The following ACTN4 variants were observed in gnomAD, a reference collection of about 807,000 sequenced individuals.
The protein encoded by ACTN4 is alpha-actinin-4.
ACTN4 carries 18 observed loss-of-function variants against 114.2 expected under a neutral mutation model. The ratio of observed to expected loss-of-function variants is 0.16; its 90% CI spans 0.11 to 0.23. The LOEUF is 0.23. Ranked by LOEUF, ACTN4 falls within the 10% of genes least tolerant of loss-of-function variation. The pLI, the probability that ACTN4 is intolerant of heterozygous loss-of-function variation, is 1.00. For synonymous variants in ACTN4, 515 were observed against 506.3 expected (o/e 1.02, Z -0.23); for missense variants, 722 against 1,262.9 (o/e 0.57, Z 6.49).
Position 38,731,295 on chromosome 19 carries a change from T to A in ACTN4, c.*1863T>A. 3 of 1,188,408 alleles carry A rather than the reference T, an allele frequency of 2.5e-6. No homozygotes were observed. The highest frequency in any genetic ancestry group is 3.7e-6 in the Non-Finnish European group (3 of 801,408). 73.6% of individuals were successfully genotyped at this position (1,188,408 alleles called of 1,614,324 possible). A position where few individuals can be genotyped will look rare whatever the true frequency, so the allele number is the denominator to read the frequency against. ...CTTGGCATTGCATCCCCACCCCACC[T>A]CCTCAGGGAGGACATGAATGCCACA... On this transcript the variant is annotated 3_prime_UTR_variant, in exon 21 of 21. Transcript: ENST00000252699.
Position 38,727,238 on chromosome 19 carries a change from G to A in ACTN4, c.2337+135G>A, listed in dbSNP as rs2145104310. On this transcript the variant is annotated intron_variant, in intron 18 of 20. Transcript: ENST00000252699. The surrounding 1 kb of genome is among the most constrained non-coding windows in gnomAD (Gnocchi z 5.4). Reference sequence around the variant, plus strand: ...GGCCGCCACTCCCAGGGCCAGCAGGGCCCTGCCACTGTCAGGGTGTAGGTG... The same window carrying A: ...GGCCGCCACTCCCAGGGCCAGCAGGACCCTGCCACTGTCAGGGTGTAGGTG... 3 of 1,380,146 alleles carry A rather than the reference G, an allele frequency of 2.2e-6. No individual in the cohort carries two copies. Among genetic ancestry groups the A allele is most frequent in the South Asian group, 1.2e-5 (1 of 80,502 alleles). 85.5% of individuals were successfully genotyped at this position (1,380,146 alleles called of 1,614,324 possible). A position where few individuals can be genotyped will look rare whatever the true frequency, so the allele number is the denominator to read the frequency against.
chr19:38,653,827 T>C (rs1262917503), intron 1 of ACTN4, among the ~76,000 whole-genome samples: 1 of 152,254 alleles, frequency 6.6e-6, no homozygotes, highest in African/African-American at 2.4e-5. Flanking sequence ...GGTAATTCAA[T>C]GGCAGTGGTA....
At position 38,659,065 on chromosome 19, in the gene ACTN4, C is replaced by CTT. The variant is rs577141157; in HGVS notation, c.162+11170_162+11171dup. Among the ~76,000 whole-genome samples the CTT allele has an allele frequency of 5.4e-5, 6 of 111,692 alleles. 1 individual carries two copies. The highest frequency in any genetic ancestry group is 5.5e-5 in the Non-Finnish European group (3 of 54,932). The allele number at this position is 111,692 out of a possible 152,430, so 73.3% of individuals were successfully genotyped here. On this transcript the variant is annotated intron_variant, in intron 1 of 20. Transcript: ENST00000252699. ...TAACTTTTTTTTCTTCTTTTCTTTT[C>CTT]TTTTTTTTTTTTTGAGACGGAGTCT...
rs1445819147 is a variant in ACTN4 at position 38,654,243 on chromosome 19, C to T, written c.162+6336C>T. On this transcript the variant is annotated intron_variant, in intron 1 of 20. Transcript: ENST00000252699. Reference sequence around the variant, plus strand: ...TGAAGGGGAGAAATTAACCACCTGACCCAGGGAAGGATCCCGCCTCCTCCA... The same window carrying T: ...TGAAGGGGAGAAATTAACCACCTGATCCAGGGAAGGATCCCGCCTCCTCCA... Among the ~76,000 whole-genome samples, 3 of 152,174 alleles carry T rather than the reference C, an allele frequency of 2.0e-5. No individual in the cohort carries two copies. The East Asian group carries it at 5.8e-4, about 29-fold the overall frequency.
rs951663125 is a variant in ACTN4, at chr19:38,727,266, C to T, written c.2337+163C>T. On this transcript the variant is annotated intron_variant, in intron 18 of 20. Coordinates refer to ENST00000252699, the MANE Select transcript of ACTN4 (RefSeq NM_004924.6). The surrounding 1 kb of genome is among the most constrained non-coding windows in gnomAD (Gnocchi z 5.4). ...CTGCCACTGTCAGGGTGTAGGTGTG[C>T]GGCACCAAGACCCCAGCCTGGGCCA... Among the ~76,000 whole-genome samples, 15 of 152,110 alleles carry T rather than the reference C, an allele frequency of 9.9e-5. No homozygotes were observed. Among genetic ancestry groups the T allele is most frequent in the African/African-American group, 1.2e-4 (5 of 41,422 alleles).
intron 1 of ACTN4, among the ~76,000 whole-genome samples, chr19:38,651,603 A>C (rs1976563388): frequency 6.6e-6 from 1 of 151,920 alleles, no homozygotes; most frequent in African/African-American, 2.4e-5. Flanking sequence ...CAGGGGCCTC[A>C]ATGTTTCAAC....
intron 1 of ACTN4, among the ~76,000 whole-genome samples, chr19:38,661,101 C>T (rs1377287322): frequency 2.0e-5 from 3 of 152,182 alleles, no homozygotes; most frequent in Non-Finnish European, 4.4e-5. Flanking sequence ...GAGATGGGCA[C>T]AGCCAGATTG....
chr19:38,647,677 C>T lies in ACTN4; in HGVS notation c.-69C>T, dbSNP rs1056911218. ...GCAGCTGAAGCGGCGGTAGCGGCGG[C>T]GGCTCGGGCAGAGGGGCGGGAGCTG... is the stretch of plus-strand genomic sequence containing the variant. On this transcript the variant is annotated 5_prime_UTR_variant, in exon 1 of 21. Coordinates refer to ENST00000252699, the MANE Select transcript of ACTN4 (RefSeq NM_004924.6). 18 of 1,481,532 alleles carry T rather than the reference C, an allele frequency of 1.2e-5. No individual in the cohort carries two copies. Among genetic ancestry groups the T allele is most frequent in the Admixed American group, 2.3e-5 (1 of 43,014 alleles). 91.8% of individuals were successfully genotyped at this position (1,481,532 alleles called of 1,614,324 possible).
chr19:38,659,065 C>CTTTTTTTTTTTTTTT (rs577141157), intron 1 of ACTN4, among the ~76,000 whole-genome samples: 2,399 of 111,462 alleles, frequency 0.022, 43 homozygotes, highest in Non-Finnish European at 0.032. Context: ...CTTTTCTTTT[C>CTTTTTTTTTTTTTTT]TTTTTTTTTT....
In ACTN4 at chr19:38,717,366, C is replaced by A; in HGVS notation, c.1143+50C>A. 1 of 1,590,240 alleles carries A rather than the reference C, an allele frequency of 6.3e-7. No individual in the cohort carries two copies. On this transcript the variant is annotated intron_variant, in intron 10 of 20. Coordinates refer to ENST00000252699, the MANE Select transcript of ACTN4 (RefSeq NM_004924.6). The surrounding 1 kb of genome is among the most constrained non-coding windows in gnomAD (Gnocchi z 4.0). ...GCAGCTGTGAGGGGCAGAGGCAGCC[C>A]TAGAACTGCCTGTGGGCAGTTTGGC...
chr19:38,679,291 G>T (rs1447615394), intron 1 of ACTN4, among the ~76,000 whole-genome samples: 1 of 152,144 alleles, frequency 6.6e-6, no homozygotes, highest in Admixed American at 6.5e-5. Context: ...GGGCATCTGC[G>T]CATCACTTAC....
rs531086227 is a variant in ACTN4 at position 38,730,297 on chromosome 19, C to A, written c.*865C>A. The A allele has an allele frequency of 3.1e-3, 498 of 163,160 alleles. 1 individual carries two copies. The highest frequency in any genetic ancestry group is 0.016 in the Middle Eastern group (5 of 310). The allele number at this position is 163,160 out of a possible 1,614,324, so 10.1% of individuals were successfully genotyped here. On this transcript the variant is annotated 3_prime_UTR_variant, in exon 21 of 21. Transcript: ENST00000252699. ...TCCTGCTCTCATAATGAAGACATAG[C>A]CGATTCTCTGCCCGGGCCCCTTGCT...
chr19:38,651,510 T>C (rs1415314837), intron 1 of ACTN4, among the ~76,000 whole-genome samples: 1 of 152,162 alleles, frequency 6.6e-6, no homozygotes, highest in Admixed American at 6.5e-5. Context: ...GTGAGATCTC[T>C]TGAAGGTTAT....
chr19:38,664,477 T>C (rs1966896517), intron 1 of ACTN4, among the ~76,000 whole-genome samples: 1 of 152,024 alleles, frequency 6.6e-6, no homozygotes, highest in Non-Finnish European at 1.5e-5. Context: ...AGATAACACA[T>C]GACAGCTGTA....
intron 1 of ACTN4, among the ~76,000 whole-genome samples, chr19:38,672,238 C>CTTTTTTTTTTTTTTTT (rs35567918): frequency 8.8e-6 from 1 of 113,744 alleles, no homozygotes. Flanking sequence ...ACATGTGGTT[C>CTTTTTTTTTTTTTTTT]TTTTTTTTTT....
At chr19:38,661,012 C>T (rs1976869375) in intron 1 of ACTN4, among the ~76,000 whole-genome samples, 3 of 152,116 alleles carry the variant, frequency 2.0e-5, no homozygotes, top group South Asian at 4.1e-4. Context: ...CAGAGGAACG[C>T]GCTTCCAACA....
Position 38,708,162 on chromosome 19 carries a change from A to G in ACTN4, c.618A>G (p.Arg206=). The change falls in exon 6 of 21, where the codon AGA becomes AGG. Residue 206 remains arginine, a synonymous_variant. Transcript: ENST00000252699. ...TCAATGCCCTGATCCACCGGCACAG[A>G]CCAGAGCTGATTGAGTATGACAAGC... The part of the protein sequence containing the change: ...LAFNALIHRH[R]PELIEYDKLR... The G allele has an allele frequency of 6.2e-7, 1 of 1,614,154 alleles. No individual in the cohort carries two copies. Among genetic ancestry groups the G allele is most frequent in the South Asian group, 1.1e-5 (1 of 91,084 alleles).
At chr19:38,718,260 C>T in intron 11 of ACTN4, 186 bp downstream of exon 11, 1 of 1,035,288 alleles carries the variant, frequency 9.7e-7, no homozygotes, top group Non-Finnish European at 1.4e-6. Context: ...GGTTCAGTGG[C>T]TCACACCTGT....
At chr19:38,707,431 A>T (rs747217265) in intron 5 of ACTN4, among the ~76,000 whole-genome samples, 2 of 152,124 alleles carry the variant, frequency 1.3e-5, no homozygotes, top group Non-Finnish European at 2.9e-5. Flanking sequence ...AGTCAGATGA[A>T]GAAAGTTCCC....
Sources: allele counts gnomAD v4.1 joint callset (sites outside exome capture counted in the v4.1 genomes callset), GRCh38; gene constraint gnomAD v4.1.1; non-coding constraint Gnocchi (gnomAD v3.1); transcripts MANE v1.5; gene names NCBI Gene and HGNC (gene_info 2026-07-23, HGNC 2026-07-21).